The following RBMS3 variants were observed in gnomAD, a reference collection of about 807,000 sequenced individuals.
RBMS3 encodes RNA binding motif single stranded interacting protein 3, also known as RNA-binding motif, single-stranded-interacting protein 3.
Under a neutral mutation model 66.8 loss-of-function variants are expected in RBMS3, and 27 were observed. The observed-to-expected ratio is 0.40, with a 90% CI of 0.30 to 0.56. The LOEUF is 0.56. Among genes scored for constraint, RBMS3 ranks in the 20% least tolerant of loss-of-function variants. The pLI is 0.40. For synonymous variants in RBMS3, 188 were observed against 183.0 expected, an observed-to-expected ratio of 1.03 and a Z score of -0.22; for missense variants, 513 against 549.5, an observed-to-expected ratio of 0.93 and a Z score of 0.66.
intron 3 of RBMS3, among the ~76,000 whole-genome samples, chr3:29,518,905 G>T (rs983608268): frequency 1.3e-5 from 2 of 152,208 alleles, no homozygotes; most frequent in African/African-American, 4.8e-5. Flanking sequence ...GCTGTTGGGG[G>T]CCTGGAGTGA....
intron 1 of RBMS3, among the ~76,000 whole-genome samples, chr3:29,341,163 A>C (rs1056423847): frequency 6.6e-6 from 1 of 152,168 alleles, no homozygotes; most frequent in African/African-American, 2.4e-5. Context: ...ATATATACAT[A>C]AAATGCTGTT....
At chr3:29,796,193 G>C (rs1404278151) in intron 6 of RBMS3, among the ~76,000 whole-genome samples, 1 of 152,118 alleles carries the variant, frequency 6.6e-6, no homozygotes, top group East Asian at 1.9e-4. Context: ...TGTATATTGG[G>C]CTTCAAGTAA....
intron 6 of RBMS3, among the ~76,000 whole-genome samples, chr3:29,792,257 A>T (rs1255120880): frequency 6.6e-6 from 1 of 152,196 alleles, no homozygotes; most frequent in Non-Finnish European, 1.5e-5. Flanking sequence ...TCAGTCCATA[A>T]TTGTCATTCA....
intron 6 of RBMS3, chr3:29,797,959 T>C (rs970474387): frequency 6.6e-6 from 1 of 151,918 alleles, no homozygotes; most frequent in African/African-American, 2.4e-5. Context: ...TTAGAGGTCA[T>C]TGTAGGGTTG....
At chr3:29,398,522 G>A (rs1353460365) in intron 1 of RBMS3, among the ~76,000 whole-genome samples, 4 of 152,104 alleles carry the variant, frequency 2.6e-5, no homozygotes, top group Non-Finnish European at 5.9e-5. Context: ...TCTTGGTTTG[G>A]CAAAAGTCAG....
chr3:29,647,087 C>T (rs1559534571), intron 4 of RBMS3, among the ~76,000 whole-genome samples: 2 of 152,108 alleles, frequency 1.3e-5, no homozygotes, highest in South Asian at 2.1e-4. Context: ...AAGTGATTCT[C>T]GTGCCTCAGC....
rs146043452 is a variant in RBMS3 at position 29,760,286 on chromosome 3, T to TACAC, written c.558-2611_558-2608dup. Among the ~76,000 whole-genome samples, 252 of 146,002 alleles carry TACAC rather than the reference T, an allele frequency of 1.7e-3. 1 individual carries two copies. Among genetic ancestry groups the TACAC allele is most frequent in the African/African-American group, 6.2e-3 (235 of 38,184 alleles). On this transcript the variant is annotated intron_variant, in intron 5 of 14. Transcript: ENST00000383767. ...ACACACACATACACACACACACCCC[T>TACAC]ACACACACACACACACCCCTAGTAT...
intron 1 of RBMS3, among the ~76,000 whole-genome samples, chr3:29,360,793 A>G (rs1384222070): frequency 1.3e-5 from 2 of 151,968 alleles, no homozygotes; most frequent in East Asian, 3.9e-4. Context: ...TCCCTTTACC[A>G]TTATGTAATG....
chr3:29,514,648 C>CATATATATATATATAT (rs1491498729), intron 3 of RBMS3, among the ~76,000 whole-genome samples: 7 of 47,948 alleles, frequency 1.5e-4, no homozygotes, highest in African/African-American at 1.2e-3. Context: ...GTGTGATAGG[C>CATATATATATATATAT]ACATATATAT....
At chr3:29,720,599 C>T (rs1302867279) in intron 4 of RBMS3, among the ~76,000 whole-genome samples, 3 of 151,912 alleles carry the variant, frequency 2.0e-5, no homozygotes, top group African/African-American at 7.3e-5. Flanking sequence ...GATTGATCAT[C>T]CATGCAAATC....
intron 6 of RBMS3, among the ~76,000 whole-genome samples, chr3:29,853,254 C>T (rs1437256890): frequency 3.3e-5 from 5 of 152,060 alleles, no homozygotes; most frequent in African/African-American, 1.2e-4. Flanking sequence ...AACCAACCCC[C>T]ATGACACAAG....
intron 1 of RBMS3, among the ~76,000 whole-genome samples, chr3:29,345,830 A>G (rs2036540134): frequency 6.6e-6 from 1 of 152,236 alleles, no homozygotes; most frequent in Non-Finnish European, 1.5e-5. Flanking sequence ...AATTGGAGTA[A>G]GAGAAGTGTT....
intron 2 of RBMS3, among the ~76,000 whole-genome samples, chr3:29,483,782 G>T (rs1233668794): frequency 1.2e-4 from 18 of 152,072 alleles, no homozygotes; most frequent in Non-Finnish European, 2.5e-4. Context: ...ACAAAATATT[G>T]CCCCTTCTTC....
chr3:29,793,294 A>G (rs2057076147), intron 6 of RBMS3, among the ~76,000 whole-genome samples: 1 of 151,928 alleles, frequency 6.6e-6, no homozygotes, highest in Admixed American at 6.6e-5. Context: ...AAGTTACATA[A>G]TTCAGCCTAA....
At chr3:29,482,362 C>T (rs765314385) in intron 2 of RBMS3, among the ~76,000 whole-genome samples, 12 of 152,092 alleles carry the variant, frequency 7.9e-5, no homozygotes, top group Non-Finnish European at 1.8e-4. Context: ...CATTTTTGGT[C>T]TGCTATTTTT....
chr3:29,875,720 A>G (rs1397003318), intron 7 of RBMS3, among the ~76,000 whole-genome samples: 1 of 152,126 alleles, frequency 6.6e-6, no homozygotes, highest in Non-Finnish European at 1.5e-5. Context: ...TCAGATTAAA[A>G]CTTTTTTTTC....
intron 3 of RBMS3, among the ~76,000 whole-genome samples, chr3:29,553,808 TAA>T (rs10634860): frequency 1.6e-4 from 23 of 142,252 alleles, no homozygotes; most frequent in South Asian, 4.5e-4. Flanking sequence ...ACTGGCTAAT[TAA>T]AAAAAAAAAA....
chr3:29,969,932 T>C (rs1697116875), intron 12 of RBMS3, among the ~76,000 whole-genome samples: 1 of 152,230 alleles, frequency 6.6e-6, no homozygotes, highest in Admixed American at 6.5e-5. Flanking sequence ...TTGATCCCTC[T>C]TTTAAAAATC....
intron 3 of RBMS3, among the ~76,000 whole-genome samples, chr3:29,511,756 A>C (rs1329277625): frequency 6.6e-6 from 1 of 152,184 alleles, no homozygotes; most frequent in Non-Finnish European, 1.5e-5. Context: ...AATAATAACA[A>C]AAATGGGATT....
Sources: allele counts gnomAD v4.1 joint callset (sites outside exome capture counted in the v4.1 genomes callset), GRCh38; gene constraint gnomAD v4.1.1; transcripts MANE v1.5; gene names NCBI Gene and HGNC (gene_info 2026-07-23, HGNC 2026-07-21).